Variants in SUGP1 observed in about 807,000 individuals in gnomAD.
SUGP1 encodes the protein SURP and G-patch domain containing 1.
A neutral mutation model predicts 76.5 loss-of-function variants in SUGP1; 34 were observed. That is an observed-to-expected ratio of 0.44 (90% CI 0.34 to 0.59). SUGP1 has a LOEUF of 0.59. Ranked by LOEUF, SUGP1 falls within the 20% of genes least tolerant of loss-of-function variation. SUGP1 has a pLI of 0.01. For missense variants in SUGP1, 752 were observed against 851.7 expected (o/e 0.88, Z 1.46); for synonymous variants, 326 against 326.2 (o/e 1.00, Z 0.01).
At chr19:19,283,622 AT>A (rs202137707) in intron 8 of SUGP1, among the ~76,000 whole-genome samples, 1,615 of 152,250 alleles carry the variant, frequency 0.011, 26 homozygotes, top group African/African-American at 0.037. Context: ...CACCCAGCTA[AT>A]TTTTGTATTT....
At chr19:19,301,073 G>A (rs1272569150) in intron 7 of SUGP1, among the ~76,000 whole-genome samples, 2 of 152,154 alleles carry the variant, frequency 1.3e-5, no homozygotes, top group Non-Finnish European at 2.9e-5. Context: ...TCAGGCAAAT[G>A]AAGGAAAGAC....
At chr19:19,312,597 A>G (rs2061360225) in intron 2 of SUGP1, among the ~76,000 whole-genome samples, 1 of 152,146 alleles carries the variant, frequency 6.6e-6, no homozygotes, top group South Asian at 2.1e-4. Context: ...ATACATCAAC[A>G]AGGGGCACTG....
chr19:19,311,455 C>T (rs147835609), intron 2 of SUGP1, among the ~76,000 whole-genome samples: 3 of 151,746 alleles, frequency 2.0e-5, no homozygotes, highest in East Asian at 1.9e-4. Flanking sequence ...AGGCTGGGCG[C>T]GGTGGCTCAC....
At position 19,277,771 on chromosome 19, in the gene SUGP1, C is replaced by T; in HGVS notation, c.1744G>A (p.Gly582Ser). 6.2e-7 allele frequency: 1 copy of T among 1,614,030 alleles called. No individual in the cohort carries two copies. Among genetic ancestry groups the T allele is most frequent in the East Asian group, 2.2e-5 (1 of 44,888 alleles). The change falls in exon 12 of 14, where the codon GGC (glycine) becomes AGC (serine). Residue 582 changes from glycine (G) to serine (S), a missense_variant. Around this residue, in one of 2 missense-constraint regions of SUGP1, gnomAD observed 132 missense variants for 234.4 expected, o/e 0.56. Coordinates refer to ENST00000247001, the MANE Select transcript of SUGP1 (RefSeq NM_172231.4). ...TTCTTGATGCCCTGGCCCTCTGAGC[C>T]CAGCCCCTCGCCCTCCTTCCAGCCC... ...KMGWKEGEGL[G>S]SEGQGIKNPV...
intron 8 of SUGP1, among the ~76,000 whole-genome samples, chr19:19,291,109 T>G (rs2061180085): frequency 1.3e-5 from 2 of 151,988 alleles, no homozygotes; most frequent in Non-Finnish European, 2.9e-5. Flanking sequence ...AGAGTGAGAC[T>G]CCATCTCAAA....
Position 19,312,759 on chromosome 19 carries a change from G to A in SUGP1, c.207-2559C>T, listed in dbSNP as rs908021527. 4.0e-5 allele frequency among the ~76,000 whole-genome samples: 6 copies of A among 151,472 alleles called. No homozygotes were observed. In the East Asian group the frequency reaches 5.9e-4, roughly 15 times the overall value. On this transcript the variant is annotated intron_variant, in intron 2 of 13. Coordinates refer to ENST00000247001, the MANE Select transcript of SUGP1 (RefSeq NM_172231.4). Reference sequence around the variant, plus strand: ...TCCCAGCACTTTGGGAGGCCAAGGCGGGTGGATCACGTGGTCAGGAGATCG... The same window carrying A: ...TCCCAGCACTTTGGGAGGCCAAGGCAGGTGGATCACGTGGTCAGGAGATCG...
At chr19:19,309,027 C>T (rs1042697902) in intron 3 of SUGP1, among the ~76,000 whole-genome samples, 12 of 152,106 alleles carry the variant, frequency 7.9e-5, no homozygotes, top group African/African-American at 2.7e-4. Context: ...CCACCACGCC[C>T]GGCTAATTTT....
At position 19,297,474 on chromosome 19, in the gene SUGP1, G is replaced by A. The variant is rs771507007; in HGVS notation, c.888-130C>T. Reference sequence around the variant, plus strand: ...CACTATATGGTCATGTCATAGTCACGGTCTCCACCATGACCTCCTGCCCTG... The same window carrying A: ...CACTATATGGTCATGTCATAGTCACAGTCTCCACCATGACCTCCTGCCCTG... On this transcript the variant is annotated intron_variant, in intron 7 of 13. Coordinates refer to ENST00000247001, the MANE Select transcript of SUGP1 (RefSeq NM_172231.4). 9.8e-5 allele frequency: 57 copies of A among 582,796 alleles called. No individual in the cohort carries two copies. The East Asian group carries it at 1.3e-3, about 13-fold the overall frequency. 36.1% of individuals were successfully genotyped at this position (582,796 alleles called of 1,614,324 possible).
chr19:19,296,742 C>T (rs1204211305), intron 8 of SUGP1, among the ~76,000 whole-genome samples: 1 of 152,040 alleles, frequency 6.6e-6, no homozygotes, highest in Non-Finnish European at 1.5e-5. Context: ...GAACTGAAAA[C>T]GATTCAGATA....
chr19:19,296,322 G>A lies in SUGP1; in HGVS notation c.1243+667C>T, dbSNP rs141763509. On this transcript the variant is annotated intron_variant, in intron 8 of 13. Coordinates refer to ENST00000247001, the MANE Select transcript of SUGP1 (RefSeq NM_172231.4). ...TGTAATCACAGCACTTTGGGAGGCT[G>A]AGGCGGGTGGATCATCTGAGGTCAG... Among the ~76,000 whole-genome samples, 65 of 152,140 alleles carry A rather than the reference G, an allele frequency of 4.3e-4. No individual in the cohort carries two copies. The East Asian group carries it at 8.1e-3, about 19-fold the overall frequency.
intron 2 of SUGP1, among the ~76,000 whole-genome samples, chr19:19,312,466 C>T (rs1038135319): frequency 2.0e-5 from 3 of 152,154 alleles, no homozygotes; most frequent in African/African-American, 2.4e-5. Flanking sequence ...ACCCGCATGA[C>T]GTTCCACCAT....
intron 2 of SUGP1, among the ~76,000 whole-genome samples, chr19:19,310,417 A>C (rs1192144829): frequency 6.6e-6 from 1 of 152,190 alleles, no homozygotes; most frequent in Non-Finnish European, 1.5e-5. Context: ...GCTGGGAACA[A>C]TCTTGTTCTG....
chr19:19,285,146 C>T (rs2061130085), intron 8 of SUGP1, among the ~76,000 whole-genome samples: 2 of 151,946 alleles, frequency 1.3e-5, no homozygotes, highest in South Asian at 2.1e-4. Context: ...GGATTACAGG[C>T]GTGAGCTACC....
intron 4 of SUGP1, among the ~76,000 whole-genome samples, chr19:19,304,298 G>C (rs144332609): frequency 2.0e-5 from 3 of 152,118 alleles, no homozygotes; most frequent in Non-Finnish European, 2.9e-5. Context: ...CATCATAGAA[G>C]CTCTGCGGCC....
At chr19:19,314,933 C>G (rs2146630141) in intron 2 of SUGP1, among the ~76,000 whole-genome samples, 1 of 152,308 alleles carries the variant, frequency 6.6e-6, no homozygotes, top group Non-Finnish European at 1.5e-5. Context: ...ACTTGGGAGG[C>G]TGAGGCAGGA....
chr19:19,298,430 G>A (rs1223115200), intron 7 of SUGP1, among the ~76,000 whole-genome samples: 4 of 152,170 alleles, frequency 2.6e-5, no homozygotes, highest in Admixed American at 6.6e-5. Flanking sequence ...CCTGGGAGGC[G>A]GAGGTTGCAG....
At chr19:19,279,860 ACT>A (rs1196416220) in intron 9 of SUGP1, among the ~76,000 whole-genome samples, 1 of 151,902 alleles carries the variant, frequency 6.6e-6, no homozygotes. Flanking sequence ...ATCAACGTAG[ACT>A]CTCCCATGGG....
At chr19:19,309,980 C>T (rs1041694165) in intron 3 of SUGP1, 117 bp downstream of exon 3, 9 of 685,456 alleles carry the variant, frequency 1.3e-5, no homozygotes, top group Non-Finnish European at 1.8e-5. Context: ...GGAATGAGGG[C>T]GATCTATGAT....
chr19:19,283,997 A>G (rs1427343032), intron 8 of SUGP1, among the ~76,000 whole-genome samples: 1 of 152,272 alleles, frequency 6.6e-6, no homozygotes, highest in Non-Finnish European at 1.5e-5. Flanking sequence ...TATCTGCTTA[A>G]AACACCACAT....
Sources: allele counts gnomAD v4.1 joint callset (sites outside exome capture counted in the v4.1 genomes callset), GRCh38; gene constraint gnomAD v4.1.1; regional missense constraint gnomAD v4.1.1; transcripts MANE v1.5; gene names NCBI Gene and HGNC (gene_info 2026-07-23, HGNC 2026-07-21).